The following MAPKAPK2 variants were observed in gnomAD, a reference collection of about 807,000 sequenced individuals.
MAPKAPK2 encodes the protein MAPK activated protein kinase 2, also known as MAP kinase-activated protein kinase 2.
In MAPKAPK2, 9 loss-of-function variants were observed where a neutral mutation model predicts 48.8. That is an observed-to-expected ratio of 0.18 (90% CI 0.11 to 0.32). The LOEUF is 0.32. Among genes scored for constraint, MAPKAPK2 ranks in the 10% least tolerant of loss-of-function variants. The pLI, the probability that MAPKAPK2 is intolerant of heterozygous loss-of-function variation, is 1.00. For missense variants in MAPKAPK2, 331 were observed against 498.3 expected (o/e 0.66, Z 3.20); for synonymous variants, 202 against 190.6 (o/e 1.06, Z -0.49).
At chr1:206,685,884 C>T (rs1467056052) in intron 1 of MAPKAPK2, among the ~76,000 whole-genome samples, 1 of 152,188 alleles carries the variant, frequency 6.6e-6, no homozygotes, top group African/African-American at 2.4e-5. Flanking sequence ...CCTCTCCTCC[C>T]TCCTTTTTCT....
chr1:206,692,452 C>T (rs1353479445), intron 1 of MAPKAPK2, among the ~76,000 whole-genome samples: 1 of 152,186 alleles, frequency 6.6e-6, no homozygotes, highest in Admixed American at 6.5e-5. Flanking sequence ...TCTTCCTGCC[C>T]ATGCAAGGCT....
chr1:206,714,764 C>CA (rs373824626), intron 1 of MAPKAPK2, among the ~76,000 whole-genome samples: 32,274 of 115,928 alleles, frequency 0.28, 4,502 homozygotes, highest in East Asian at 0.52. Context: ...AACTCGGTCA[C>CA]AAAAAAAAAA....
At position 206,734,143 on chromosome 1, in the gene MAPKAPK2, G is replaced by A. The variant is rs1674040530; in HGVS notation, c.*1425G>A. 6.5e-6 allele frequency: 1 copy of A among 152,830 alleles called. No individual in the cohort carries two copies. The highest frequency in any genetic ancestry group is 1.5e-5 in the Non-Finnish European group (1 of 68,072). The allele number at this position is 152,830 out of a possible 1,614,324, so 9.5% of individuals were successfully genotyped here. A position where few individuals can be genotyped will look rare whatever the true frequency, so the allele number is the denominator to read the frequency against. On this transcript the variant is annotated 3_prime_UTR_variant, in exon 10 of 10. Transcript: ENST00000367103. Reference sequence around the variant, plus strand: ...GGGGCAGGTGGTGGAGGGGCGCCCAGGGTCGTCTTTGTGTATGGGGGAAGG... The same window carrying A: ...GGGGCAGGTGGTGGAGGGGCGCCCAAGGTCGTCTTTGTGTATGGGGGAAGG...
intron 1 of MAPKAPK2, among the ~76,000 whole-genome samples, chr1:206,723,293 A>C (rs529622012): frequency 2.0e-5 from 3 of 152,306 alleles, no homozygotes; most frequent in African/African-American, 7.2e-5. Flanking sequence ...GTGGGACTCC[A>C]ACACATGGGG....
intron 1 of MAPKAPK2, among the ~76,000 whole-genome samples, chr1:206,686,588 T>C (rs558098139): frequency 6.6e-6 from 1 of 152,292 alleles, no homozygotes; most frequent in East Asian, 1.9e-4. Context: ...GGTGTCTCAA[T>C]GATTGGAGGA....
At chr1:206,687,263 A>C (rs782079124) in intron 1 of MAPKAPK2, among the ~76,000 whole-genome samples, 1 of 152,244 alleles carries the variant, frequency 6.6e-6, no homozygotes, top group Non-Finnish European at 1.5e-5. Context: ...ACACACGCAC[A>C]AAATCATCCT....
At position 206,727,229 on chromosome 1, in the gene MAPKAPK2, A is replaced by G. The variant is rs935668552; in HGVS notation, c.280-1481A>G. On this transcript the variant is annotated intron_variant, in intron 1 of 9. Transcript: ENST00000367103. ...GTGATAAAAATGACAGCTATTAGTG[A>G]GTGCATGTCAGATACTCTGTGAGGT... Among the ~76,000 whole-genome samples, 4 of 152,186 alleles carry G rather than the reference A, an allele frequency of 2.6e-5. No individual in the cohort carries two copies. The East Asian group carries it at 7.7e-4, about 29-fold the overall frequency.
intron 1 of MAPKAPK2, among the ~76,000 whole-genome samples, chr1:206,689,885 T>C (rs1477850902): frequency 6.6e-6 from 1 of 152,204 alleles, no homozygotes; most frequent in Non-Finnish European, 1.5e-5. Flanking sequence ...TCCTAGACTT[T>C]GTTGGTCTGG....
chr1:206,723,799 G>GGAC (rs1329932565), intron 1 of MAPKAPK2, among the ~76,000 whole-genome samples: 2 of 152,188 alleles, frequency 1.3e-5, no homozygotes, highest in African/African-American at 4.8e-5. Flanking sequence ...GAGAGGCATG[G>GGAC]GACTGTATTT....
intron 1 of MAPKAPK2, among the ~76,000 whole-genome samples, chr1:206,715,962 T>G (rs1553430296): frequency 6.6e-6 from 1 of 152,044 alleles, no homozygotes; most frequent in East Asian, 1.9e-4. Flanking sequence ...GAATATTGGT[T>G]TTTTTGAAGT....
At chr1:206,728,870 T>A in intron 2 of MAPKAPK2, 21 bp downstream of exon 2, 1 of 1,613,440 alleles carries the variant, frequency 6.2e-7, no homozygotes. Context: ...ACTGTTCTAG[T>A]CCCGGCCCAG....
chr1:206,708,692 A>C lies in MAPKAPK2; in HGVS notation c.280-20018A>C, dbSNP rs751451265. ...CTGATAAGCTTTGATAAATGCCTCTATCTGTGCAACCCAAACCTCTGTCAA... is the reference window on the plus strand; with the variant it reads ...CTGATAAGCTTTGATAAATGCCTCTCTCTGTGCAACCCAAACCTCTGTCAA... On this transcript the variant is annotated intron_variant, in intron 1 of 9. Transcript: ENST00000367103. Among the ~76,000 whole-genome samples the C allele has an allele frequency of 2.0e-5, 3 of 152,210 alleles. No homozygotes were observed. In the East Asian group the frequency reaches 5.8e-4, roughly 29 times the overall value.
chr1:206,692,696 C>T (rs1197232473), intron 1 of MAPKAPK2, among the ~76,000 whole-genome samples: 1 of 152,226 alleles, frequency 6.6e-6, no homozygotes, highest in Non-Finnish European at 1.5e-5. Flanking sequence ...TGGTGTTCTC[C>T]TCCAAGACCA....
chr1:206,705,647 A>C (rs1672930042), intron 1 of MAPKAPK2, among the ~76,000 whole-genome samples: 1 of 152,216 alleles, frequency 6.6e-6, no homozygotes, highest in Admixed American at 6.5e-5. Context: ...CCACCAACCC[A>C]AGGGCATCTG....
At chr1:206,721,817 TA>T (rs1418580750) in intron 1 of MAPKAPK2, among the ~76,000 whole-genome samples, 4 of 152,176 alleles carry the variant, frequency 2.6e-5, no homozygotes, top group African/African-American at 9.7e-5. Context: ...TCAATTCACA[TA>T]AAACTTTTGA....
At chr1:206,720,352 TTTTTG>T (rs549265514) in intron 1 of MAPKAPK2, among the ~76,000 whole-genome samples, 7 of 152,114 alleles carry the variant, frequency 4.6e-5, no homozygotes, top group South Asian at 2.1e-4. Context: ...GCCTTTATTG[TTTTTG>T]TTTTGTTTTG....
At chr1:206,694,342 G>T (rs1553426701) in intron 1 of MAPKAPK2, among the ~76,000 whole-genome samples, 1 of 152,136 alleles carries the variant, frequency 6.6e-6, no homozygotes, top group African/African-American at 2.4e-5. Context: ...ATGTGTCGAT[G>T]GCCTCCTTCT....
chr1:206,732,424 C>T lies in MAPKAPK2; in HGVS notation c.1060-151C>T. ...GTGAGGCTGCCGTTGTCAGCGTGGA[C>T]CACTAACCAGCCCGTCTTCTCTCTC... On this transcript the variant is annotated intron_variant, in intron 9 of 9. Coordinates refer to ENST00000367103, the MANE Select transcript of MAPKAPK2 (RefSeq NM_032960.4). This position sits in a 1 kb window ranked among gnomAD's most constrained non-coding sequence, Gnocchi z 4.4. 6.8e-7 allele frequency: 1 copy of T among 1,472,130 alleles called. No homozygotes were observed. Among genetic ancestry groups the T allele is most frequent in the Non-Finnish European group, 9.0e-7 (1 of 1,109,262 alleles). 91.2% of individuals were successfully genotyped at this position (1,472,130 alleles called of 1,614,324 possible).
chr1:206,693,063 C>T (rs1672506245), intron 1 of MAPKAPK2, among the ~76,000 whole-genome samples: 2 of 152,164 alleles, frequency 1.3e-5, no homozygotes, highest in Non-Finnish European at 2.9e-5. Context: ...CTTTCGTCCT[C>T]CGGCGGGGCT....
Sources: gnomAD v4.1 joint callset for allele counts (sites outside exome capture counted in the v4.1 genomes callset) on GRCh38, gnomAD v4.1.1 for gene constraint, Gnocchi (gnomAD v3.1) non-coding constraint, MANE v1.5 for transcripts, NCBI Gene and HGNC (gene_info 2026-07-23, HGNC 2026-07-21) for gene names.